Variants in KHDRBS2 observed in about 807,000 individuals in gnomAD.
KHDRBS2 encodes KH RNA binding domain containing, signal transduction associated 2.
In KHDRBS2, 26 loss-of-function variants were observed where a neutral mutation model predicts 44.3. The observed-to-expected ratio is 0.59, with a 90% confidence interval of 0.43 to 0.81. KHDRBS2 has a LOEUF of 0.81. Among genes scored for constraint, KHDRBS2 ranks in the 40% least tolerant of loss-of-function variants. KHDRBS2 has a pLI of 0.00. For synonymous variants in KHDRBS2, 194 were observed against 151.1 expected (o/e 1.28, Z -2.08); for missense variants, 476 against 433.1 (o/e 1.10, Z -0.88).
the KHDRBS2 span, among the ~76,000 whole-genome samples, chr6:61,638,208 G>A: frequency 6.6e-6 from 1 of 151,888 alleles, no homozygotes; most frequent in Non-Finnish European, 1.5e-5. Flanking sequence ...AGTCAATCCT[G>A]AGCCAAAAGA....
chr6:62,077,169 C>A (rs952285367), intron 2 of KHDRBS2, among the ~76,000 whole-genome samples: 2 of 152,006 alleles, frequency 1.3e-5, no homozygotes, highest in Non-Finnish European at 2.9e-5. Context: ...CTGCATTTGA[C>A]AAAACTTAAT....
intron 1 of KHDRBS2, among the ~76,000 whole-genome samples, chr6:62,271,588 T>C (rs1840100124): frequency 6.6e-6 from 1 of 152,106 alleles, no homozygotes; most frequent in South Asian, 2.1e-4. Context: ...ATGATGACAG[T>C]TCCCTATGTG....
At chr6:62,163,342 T>C (rs1328474607) in intron 2 of KHDRBS2, among the ~76,000 whole-genome samples, 1 of 151,952 alleles carries the variant, frequency 6.6e-6, no homozygotes, top group Non-Finnish European at 1.5e-5. Context: ...AATGAGGAAA[T>C]GGAAAAACTG....
chr6:61,841,626 A>G (rs970794038), intron 6 of KHDRBS2, among the ~76,000 whole-genome samples: 3 of 152,154 alleles, frequency 2.0e-5, no homozygotes, highest in African/African-American at 7.2e-5. Context: ...ACTTTGTTAA[A>G]ACAGGATTGA....
chr6:61,911,806 C>T (rs933636576), intron 4 of KHDRBS2, among the ~76,000 whole-genome samples: 14 of 151,902 alleles, frequency 9.2e-5, no homozygotes, highest in African/African-American at 3.4e-4. Context: ...AAAGAGTATA[C>T]AATATTGCCA....
At chr6:61,969,097 A>C (rs1296591860) in intron 4 of KHDRBS2, among the ~76,000 whole-genome samples, 1 of 152,080 alleles carries the variant, frequency 6.6e-6, no homozygotes, top group Non-Finnish European at 1.5e-5. Flanking sequence ...AAAAGCTTTT[A>C]CATATAAGAT....
intron 4 of KHDRBS2, among the ~76,000 whole-genome samples, chr6:61,936,557 G>T (rs1811073621): frequency 6.6e-6 from 1 of 151,582 alleles, no homozygotes; most frequent in African/African-American, 2.4e-5. Context: ...CTCAATTTGG[G>T]ACTCATCTTT....
Position 61,894,620 on chromosome 6 carries a change from C to G in KHDRBS2, c.810+15G>C, listed in dbSNP as rs1319165031. On this transcript the variant is annotated intron_variant, in intron 6 of 8. Transcript: ENST00000281156. ...TTTAACTCATCCTTACAACTTATTT[C>G]TTAAGAGTACTTACATATTCTTCAT... is the stretch of plus-strand genomic sequence containing the variant. 2.5e-6 allele frequency: 4 copies of G among 1,600,410 alleles called. No individual in the cohort carries two copies. The South Asian group carries it at 3.3e-5, about 13-fold the overall frequency.
chr6:62,168,975 A>C (rs1819256028), intron 2 of KHDRBS2, among the ~76,000 whole-genome samples: 1 of 143,300 alleles, frequency 7.0e-6, no homozygotes, highest in South Asian at 2.2e-4. Context: ...TTCAACAATG[A>C]AACATAGTAT....
intron 7 of KHDRBS2, among the ~76,000 whole-genome samples, chr6:61,710,385 T>G (rs1378001016): frequency 1.3e-5 from 2 of 151,762 alleles, no homozygotes; most frequent in Non-Finnish European, 2.9e-5. Context: ...CGGCATACTT[T>G]GAACTCAATT....
chr6:61,797,664 C>T (rs957535991), intron 6 of KHDRBS2, among the ~76,000 whole-genome samples: 2 of 151,390 alleles, frequency 1.3e-5, no homozygotes, highest in African/African-American at 2.4e-5. Context: ...CTCATTGTAA[C>T]ATAATGCTCC....
At chr6:62,062,482 A>T (rs1290888674) in intron 2 of KHDRBS2, among the ~76,000 whole-genome samples, 1 of 151,942 alleles carries the variant, frequency 6.6e-6, no homozygotes, top group East Asian at 2.0e-4. Flanking sequence ...TCTCACTCAA[A>T]GCCGCTCAGC....
the KHDRBS2 span, among the ~76,000 whole-genome samples, chr6:61,635,333 A>G: frequency 6.6e-6 from 1 of 151,990 alleles, no homozygotes; most frequent in East Asian, 1.9e-4. Context: ...TGAAGATAAA[A>G]GGGAAGTGAT....
intron 7 of KHDRBS2, among the ~76,000 whole-genome samples, chr6:61,722,561 A>G (rs1409575585): frequency 6.6e-6 from 1 of 152,100 alleles, no homozygotes; most frequent in Non-Finnish European, 1.5e-5. Context: ...AAATATTTTT[A>G]TCTTTTATCT....
At chr6:62,177,522 T>C (rs976145651) in intron 1 of KHDRBS2, among the ~76,000 whole-genome samples, 5 of 143,564 alleles carry the variant, frequency 3.5e-5, no homozygotes, top group African/African-American at 1.3e-4. Context: ...CAACTCAAAC[T>C]AAAAAGCGAT....
intron 2 of KHDRBS2, among the ~76,000 whole-genome samples, chr6:62,089,815 T>C (rs1799158603): frequency 6.6e-6 from 1 of 152,202 alleles, no homozygotes; most frequent in Admixed American, 6.5e-5. Context: ...CTGAAGTAAT[T>C]ACATTTTTTG....
chr6:61,630,719 G>A, the KHDRBS2 span, among the ~76,000 whole-genome samples: 1 of 152,172 alleles, frequency 6.6e-6, no homozygotes, highest in Non-Finnish European at 1.5e-5. Context: ...CCTGGAAACA[G>A]TGGCAAGAGT....
At chr6:61,910,359 G>A (rs1392508747) in intron 4 of KHDRBS2, among the ~76,000 whole-genome samples, 1 of 152,164 alleles carries the variant, frequency 6.6e-6, no homozygotes, top group East Asian at 1.9e-4. Context: ...CATCTGCTTG[G>A]TGCATGGCTC....
At chr6:62,182,660 T>A (rs1199178213) in intron 1 of KHDRBS2, among the ~76,000 whole-genome samples, 3 of 151,976 alleles carry the variant, frequency 2.0e-5, no homozygotes, top group Non-Finnish European at 2.9e-5. Flanking sequence ...TTGAAGGTTT[T>A]GTTTTTTGTT....
Sources: allele counts gnomAD v4.1 joint callset (sites outside exome capture counted in the v4.1 genomes callset), GRCh38; gene constraint gnomAD v4.1.1; transcripts MANE v1.5; gene names NCBI Gene and HGNC (gene_info 2026-07-23, HGNC 2026-07-21).